NBPF26: variants seen among roughly 807,000 people sequenced by gnomAD.
The protein encoded by NBPF26 is NBPF family member NBPF26.
A neutral mutation model predicts 119.6 loss-of-function variants in NBPF26; 79 were observed. The ratio of observed to expected loss-of-function variants is 0.66; its 90% CI spans 0.55 to 0.80. The LOEUF (loss-of-function observed/expected upper bound fraction) is 0.80, where lower values mean the gene tolerates loss of function less well. NBPF26 is among the 30% of genes least tolerant of loss of function. The probability of loss-of-function intolerance (pLI) is 0.00; values close to 1 mark genes in which losing one functional copy is unlikely to be tolerated. For missense variants in NBPF26, 800 were observed against 1,198.2 expected, an observed-to-expected ratio of 0.67 and a Z score of 4.91; for synonymous variants, 299 against 457.7, an observed-to-expected ratio of 0.65 and a Z score of 4.43.
At chr1:120,780,155 C>T (rs1223232406) in intron 2 of NBPF26, among the ~76,000 whole-genome samples, 1 of 114,972 alleles carries the variant, frequency 8.7e-6, no homozygotes, top group Non-Finnish European at 1.7e-5. Context: ...CTCAGGTATT[C>T]AGGGAACCTA....
At chr1:120,838,510 G>C (rs1378365831) in intron 27 of NBPF26, among the ~76,000 whole-genome samples, 7,847 of 38,016 alleles carry the variant, frequency 0.21, 372 homozygotes, top group African/African-American at 0.33. Flanking sequence ...CTCTCTCTCT[G>C]TGTGTGTGTG....
At chr1:120,769,322 C>T (rs1430573978) in intron 2 of NBPF26, among the ~76,000 whole-genome samples, 5 of 151,224 alleles carry the variant, frequency 3.3e-5, no homozygotes, top group Non-Finnish European at 4.4e-5. Flanking sequence ...TCCCCTTTTC[C>T]TTCACCTTCT....
rs1350670767 is a variant in NBPF26 at position 120,751,630 on chromosome 1, T to C, written c.74-11998T>C. On this transcript the variant is annotated intron_variant, in intron 1 of 29. Coordinates refer to ENST00000620612, the Ensembl canonical transcript of NBPF26. ...CGCTTGCTCTTTCTCTCTTCCCTTT[T>C]CTTTCCTTTCCTTTCCTTTCCTTTC... Among the ~76,000 whole-genome samples the C allele has an allele frequency of 1.3e-4, 8 of 59,612 alleles. 3 individuals are homozygous for C. In the East Asian group the frequency reaches 2.2e-3, roughly 16 times the overall value. 39.1% of individuals were successfully genotyped at this position (59,612 alleles called of 152,430 possible).
intron 5 of NBPF26, 83 bp downstream of exon 5, chr1:120,805,848 A>G: frequency 1.8e-6 from 2 of 1,141,456 alleles, no homozygotes; most frequent in South Asian, 2.7e-5. Context: ...CTCTCCATCA[A>G]AAAGAATTTC....
chr1:120,737,722 G>C (rs1650921041), intron 1 of NBPF26, among the ~76,000 whole-genome samples: 1 of 125,096 alleles, frequency 8.0e-6, no homozygotes, highest in Non-Finnish European at 1.6e-5. Flanking sequence ...CGGCAGGTCT[G>C]GTGTCATTAG....
In NBPF26 at chr1:120,756,140, C is replaced by T. The variant is rs1350095770; in HGVS notation, c.74-7488C>T. On this transcript the variant is annotated intron_variant, in intron 1 of 29. Transcript: ENST00000620612. ...GAAAGTTTTGTTTGAAATTGCAGGG[C>T]GCTATGAGAATTATTGCAAATCCCT... 7.1e-5 allele frequency among the ~76,000 whole-genome samples: 8 copies of T among 113,174 alleles called. 1 individual carries two copies. Among genetic ancestry groups the T allele is most frequent in the Non-Finnish European group, 1.0e-4 (6 of 59,960 alleles). The allele number at this position is 113,174 out of a possible 152,430, so 74.2% of individuals were successfully genotyped here.
intron 3 of NBPF26, among the ~76,000 whole-genome samples, chr1:120,790,269 C>T (rs1651470084): frequency 9.1e-6 from 1 of 109,470 alleles, no homozygotes; most frequent in Non-Finnish European, 1.7e-5. Context: ...CCGCCTCGGC[C>T]TCCCAAAGTG....
exon 4 of NBPF26, chr1:120,793,229 G>C: frequency 6.9e-7 from 1 of 1,441,464 alleles, no homozygotes; most frequent in Non-Finnish European, 9.3e-7. Context: ...CTGTACCACT[G>C]TGGCCAACCA....
At position 120,805,664 on chromosome 1, in the gene NBPF26, G is replaced by GC; in HGVS notation, c.865dup (p.Gln289ProfsTer35). The GC allele has an allele frequency of 2.1e-6, 3 of 1,456,028 alleles. 1 individual carries two copies. Among genetic ancestry groups the GC allele is most frequent in the East Asian group, 2.3e-5 (1 of 44,392 alleles). 90.2% of individuals were successfully genotyped at this position (1,456,028 alleles called of 1,614,324 possible). ...ATTCTAGAAATCAACGAGACATTGC[G>GC]CCCCCAGCTGCCAGAGAACAAACAG... is the stretch of plus-strand genomic sequence containing the variant. On this transcript the variant is annotated frameshift_variant, in exon 5 of 30. Transcript: ENST00000620612. LOFTEE classifies it high-confidence loss of function.
intron 4 of NBPF26, among the ~76,000 whole-genome samples, chr1:120,805,265 C>A (rs1330244697): frequency 8.0e-6 from 1 of 125,320 alleles, no homozygotes; most frequent in East Asian, 2.0e-4. Context: ...TTCCATGACA[C>A]CCCCACCTTC....
At position 120,814,747 on chromosome 1, in the gene NBPF26, G is replaced by T. The variant is rs1239998550; in HGVS notation, c.1878-82G>T. 5.5e-5 allele frequency: 50 copies of T among 901,984 alleles called. 5 individuals are homozygous for T. The highest frequency in any genetic ancestry group is 7.4e-5 in the Non-Finnish European group (42 of 569,958). 55.9% of individuals were successfully genotyped at this position (901,984 alleles called of 1,614,324 possible). A position where few individuals can be genotyped will look rare whatever the true frequency, so the allele number is the denominator to read the frequency against. Reference sequence around the variant, plus strand: ...GCTTCGAGGTCTCCTTGAGGACATTGTCTCAGAAATCTCTGTTGCAATATT... The same window carrying T: ...GCTTCGAGGTCTCCTTGAGGACATTTTCTCAGAAATCTCTGTTGCAATATT... On this transcript the variant is annotated intron_variant, in intron 11 of 29. Transcript: ENST00000620612.
In NBPF26 at chr1:120,814,850, C is replaced by T. The variant is rs1553271516; in HGVS notation, c.1899C>T (p.His633=). ...TTAGGCAATATAAAGTCCTGGTTCACGCTCAGGAACGAGAGCTGACCCAGT... is the reference window on the plus strand; with the variant it reads ...TTAGGCAATATAAAGTCCTGGTTCATGCTCAGGAACGAGAGCTGACCCAGT... Residue 633 remains histidine (H), a synonymous_variant, in exon 12 of 30, where the codon CAC becomes CAT. Transcript: ENST00000620612. The T allele has an allele frequency of 3.8e-4, 477 of 1,251,052 alleles. 86 individuals carry two copies. The highest frequency in any genetic ancestry group is 3.6e-3 in the South Asian group (289 of 80,194). 77.5% of individuals were successfully genotyped at this position (1,251,052 alleles called of 1,614,324 possible).
intron 16 of NBPF26, among the ~76,000 whole-genome samples, 193 bp from the exon 17 acceptor site, chr1:120,823,116 C>T (rs1188932267): frequency 8.7e-6 from 1 of 114,692 alleles, no homozygotes; most frequent in Non-Finnish European, 1.7e-5. Flanking sequence ...GGAATTTTGC[C>T]CAAGGCTCAT....
rs1387101243 is a variant in NBPF26, at chr1:120,812,955, A to G, written c.1774+860A>G. The stretch of plus-strand genomic sequence containing the variant: ...TAATAATAATAATAATAATAATAAT[A>G]ATAAATAAAAATAAGAATAAAAAGC... On this transcript the variant is annotated intron_variant, in intron 10 of 29. Transcript: ENST00000620612. Among the ~76,000 whole-genome samples, 5 of 117,028 alleles carry G rather than the reference A, an allele frequency of 4.3e-5. 1 individual carries two copies. The highest frequency in any genetic ancestry group is 9.7e-5 in the African/African-American group (2 of 20,708). 76.8% of individuals were successfully genotyped at this position (117,028 alleles called of 152,430 possible). A position where few individuals can be genotyped will look rare whatever the true frequency, so the allele number is the denominator to read the frequency against.
At chr1:120,745,295 G>A (rs1301771082) in intron 1 of NBPF26, among the ~76,000 whole-genome samples, 1 of 92,494 alleles carries the variant, frequency 1.1e-5, no homozygotes, top group Non-Finnish European at 2.0e-5. Flanking sequence ...GGGGAAAAAA[G>A]GGTAGAATAG....
In NBPF26 at chr1:120,822,133, TC is replaced by T. The variant is rs1301528502; in HGVS notation, c.2458del (p.Gln820ArgfsTer18). The T allele has an allele frequency of 7.1e-7, 1 of 1,403,884 alleles. No homozygotes were observed. Among genetic ancestry groups the T allele is most frequent in the Non-Finnish European group, 9.5e-7 (1 of 1,050,594 alleles). The allele number at this position is 1,403,884 out of a possible 1,614,324, so 87.0% of individuals were successfully genotyped here. On this transcript the variant is annotated frameshift_variant, in exon 16 of 30. Transcript: ENST00000620612. LOFTEE classifies it high-confidence loss of function. ...CTGCAGGAGTCTGAAGAGGAGGAAG[TC>T]CCCCAGGAGTCCTGGGATGAAGGTT...
At chr1:120,840,793 C>A (rs1553273644), downstream of NBPF26, 1 of 659,506 alleles carries the variant, frequency 1.5e-6, no homozygotes, top group Non-Finnish European at 2.4e-6. Context: ...AGGTGTGACA[C>A]GTTCACATAA....
chr1:120,806,444 G>A (rs1369538168), intron 5 of NBPF26, among the ~76,000 whole-genome samples: 2 of 113,622 alleles, frequency 1.8e-5, no homozygotes, highest in African/African-American at 4.5e-5. Context: ...AATACAAAAA[G>A]TAGATGGGCA....
In NBPF26 at chr1:120,823,619, C is replaced by A. The variant is rs1284319426; in HGVS notation, c.2639+259C>A. ...TCATGGTAACTGCAGGGAAACTTGACCACATTTTACGCAAAATTATTGAGG... is the reference window on the plus strand; with the variant it reads ...TCATGGTAACTGCAGGGAAACTTGAACACATTTTACGCAAAATTATTGAGG... On this transcript the variant is annotated intron_variant, in intron 17 of 29. Transcript: ENST00000620612. Among the ~76,000 whole-genome samples, 2 of 104,580 alleles carry A rather than the reference C, an allele frequency of 1.9e-5. 1 individual carries two copies. The highest frequency in any genetic ancestry group is 1.0e-4 in the African/African-American group (2 of 19,498). 68.6% of individuals were successfully genotyped at this position (104,580 alleles called of 152,430 possible).
Sources: gnomAD v4.1 joint callset for allele counts (sites outside exome capture counted in the v4.1 genomes callset) on GRCh38, gnomAD v4.1.1 for gene constraint, MANE v1.5 for transcripts, NCBI Gene and HGNC (gene_info 2026-07-23, HGNC 2026-07-21) for gene names.